Variants in PLEKHA7 observed in about 807,000 individuals in gnomAD.
The protein encoded by PLEKHA7 is pleckstrin homology domain-containing family A member 7.
PLEKHA7 carries 104 observed loss-of-function variants against 170.0 expected under a neutral mutation model. The observed-to-expected ratio is 0.61, with a 90% CI of 0.52 to 0.72. PLEKHA7 has a LOEUF of 0.72. PLEKHA7 is among the 30% of genes least tolerant of loss of function. PLEKHA7 has a pLI of 0.00. For synonymous variants in PLEKHA7, 648 were observed against 660.8 expected (o/e 0.98, Z 0.30); for missense variants, 1,615 against 1,671.7 (o/e 0.97, Z 0.59).
chr11:16,854,489 G>A (rs1853261318), intron 6 of PLEKHA7, among the ~76,000 whole-genome samples: 1 of 152,188 alleles, frequency 6.6e-6, no homozygotes, highest in Admixed American at 6.5e-5. Flanking sequence ...AGGTGGATAT[G>A]CATGCTAGAC....
At chr11:17,009,195 T>C (rs1865181690) in intron 3 of PLEKHA7, among the ~76,000 whole-genome samples, 1 of 152,130 alleles carries the variant, frequency 6.6e-6, no homozygotes, top group South Asian at 2.1e-4. Flanking sequence ...AGACCTATGT[T>C]CCAGTCCCAG....
intron 26 of PLEKHA7, among the ~76,000 whole-genome samples, chr11:16,781,575 C>T (rs1208496785): frequency 6.6e-6 from 1 of 152,208 alleles, no homozygotes; most frequent in South Asian, 2.1e-4. Context: ...GAACACCACA[C>T]CGGCCACCTC....
At position 16,890,048 on chromosome 11, in the gene PLEKHA7, AACTAAGCTT is replaced by A. The variant is rs573043654; in HGVS notation, c.222-18875_222-18867del. ...CAGCCAAGAATTTTGTATCCTGCTA[AACTAAGCTT>A]CATAAATGAAGGAGAAATAAAATGT... On this transcript the variant is annotated intron_variant, in intron 3 of 26. Coordinates refer to ENST00000531066, the MANE Select transcript of PLEKHA7 (RefSeq NM_001329630.2). Among the ~76,000 whole-genome samples the A allele has an allele frequency of 5.3e-5, 8 of 152,330 alleles. No individual in the cohort carries two copies. The East Asian group carries it at 1.5e-3, about 29-fold the overall frequency.
intron 3 of PLEKHA7, among the ~76,000 whole-genome samples, chr11:16,990,343 C>T (rs1177233784): frequency 7.3e-6 from 1 of 137,730 alleles, no homozygotes; most frequent in Non-Finnish European, 1.5e-5. Context: ...AAAAGGAAGA[C>T]ACACCTGTTC....
chr11:16,780,919 G>T, intron 26 of PLEKHA7: 1 of 907,344 alleles, frequency 1.1e-6, no homozygotes, highest in Non-Finnish European at 1.3e-6. Flanking sequence ...GCAGGCAGAA[G>T]CACACCAGAC....
At chr11:16,989,707 G>A (rs1331938630) in intron 3 of PLEKHA7, among the ~76,000 whole-genome samples, 1 of 152,228 alleles carries the variant, frequency 6.6e-6, no homozygotes, top group Non-Finnish European at 1.5e-5. Context: ...CTGGCACAGA[G>A]TAGGAGCTAA....
chr11:16,996,772 T>C (rs1197999911), intron 3 of PLEKHA7, among the ~76,000 whole-genome samples: 3 of 151,988 alleles, frequency 2.0e-5, no homozygotes, highest in African/African-American at 7.3e-5. Context: ...CCGTCTCTAC[T>C]AAAAATACAA....
chr11:17,010,389 T>TA (rs756960574), intron 3 of PLEKHA7, among the ~76,000 whole-genome samples: 9,403 of 88,472 alleles, frequency 0.11, 445 homozygotes, highest in Non-Finnish European at 0.14. Context: ...AAGCTGTCTT[T>TA]AAAAAAAAAA....
rs74915382 is a variant in PLEKHA7 at position 16,857,094 on chromosome 11, T to A, written c.306-1180A>T. Among the ~76,000 whole-genome samples the A allele has an allele frequency of 3.4e-3, 519 of 152,328 alleles. 4 individuals are homozygous for A. Among genetic ancestry groups the A allele is most frequent in the Non-Finnish European group, 6.0e-3 (406 of 68,034 alleles). ...TGAGGGAACATCCTAGTTTCCACCATGGAAATATACTGTTTTCTTCGAAGA... is the reference window on the plus strand; with the variant it reads ...TGAGGGAACATCCTAGTTTCCACCAAGGAAATATACTGTTTTCTTCGAAGA... On this transcript the variant is annotated intron_variant, in intron 4 of 26. Coordinates refer to ENST00000531066, the MANE Select transcript of PLEKHA7 (RefSeq NM_001329630.2).
chr11:16,992,440 G>C (rs907948936), intron 3 of PLEKHA7, among the ~76,000 whole-genome samples: 2 of 152,156 alleles, frequency 1.3e-5, no homozygotes, highest in Non-Finnish European at 2.9e-5. Flanking sequence ...GCCACCTGCA[G>C]GATTCTTATG....
rs750694637 is a variant in PLEKHA7, at chr11:16,826,084, C to G, written c.1343+36G>C. 5 of 1,584,704 alleles carry G rather than the reference C, an allele frequency of 3.2e-6. No homozygotes were observed. The South Asian group carries it at 5.7e-5, about 18-fold the overall frequency. On this transcript the variant is annotated intron_variant, in intron 10 of 26. Transcript: ENST00000531066. Reference sequence around the variant, plus strand: ...CAGCTCTTGCCACTACATTATCGTGCTCGTTATAAGCAGCGATCCTGAGTC... The same window carrying G: ...CAGCTCTTGCCACTACATTATCGTGGTCGTTATAAGCAGCGATCCTGAGTC...
At chr11:16,942,344 T>C (rs1860752196) in intron 3 of PLEKHA7, among the ~76,000 whole-genome samples, 1 of 152,222 alleles carries the variant, frequency 6.6e-6, no homozygotes, top group African/African-American at 2.4e-5. Context: ...CAACCACTTC[T>C]GCATCCCTGA....
At chr11:16,931,716 C>T (rs971109419) in intron 3 of PLEKHA7, among the ~76,000 whole-genome samples, 1 of 149,908 alleles carries the variant, frequency 6.7e-6, no homozygotes, top group Admixed American at 6.7e-5. Flanking sequence ...GATTGTACAA[C>T]TGCACTCCAG....
chr11:16,930,884 T>C (rs1480289244), intron 3 of PLEKHA7, among the ~76,000 whole-genome samples: 1 of 152,112 alleles, frequency 6.6e-6, no homozygotes, highest in Non-Finnish European at 1.5e-5. Flanking sequence ...AGCTGGCCAG[T>C]GCCTTAGAAC....
intron 8 of PLEKHA7, 118 bp downstream of exon 8, chr11:16,851,073 G>T (rs1468680909): frequency 1.5e-6 from 1 of 648,856 alleles, no homozygotes. Flanking sequence ...TTGTTAACCG[G>T]AATCTGAAAC....
chr11:16,829,504 T>TA (rs1850934474), intron 9 of PLEKHA7, among the ~76,000 whole-genome samples: 1 of 152,128 alleles, frequency 6.6e-6, no homozygotes, highest in Non-Finnish European at 1.5e-5. Context: ...AGCCCATACT[T>TA]ACAGAAAAAG....
intron 13 of PLEKHA7, among the ~76,000 whole-genome samples, chr11:16,805,254 T>C (rs1309268140): frequency 6.6e-6 from 1 of 152,170 alleles, no homozygotes. Context: ...GAAAATCTAA[T>C]TGAGCAATGC....
Position 16,855,846 on chromosome 11 carries a change from G to A in PLEKHA7, c.374C>T (p.Thr125Met), listed in dbSNP as rs745343099. 66 of 1,614,022 alleles carry A rather than the reference G, an allele frequency of 4.1e-5. No homozygotes were observed. The highest frequency in any genetic ancestry group is 1.6e-4 in the Middle Eastern group (1 of 6,084). Residue 125 changes from threonine to methionine, a missense_variant, in exon 5 of 27, where the codon ACG becomes ATG. By Grantham distance (81) the Thr-to-Met change is moderately conservative. Coordinates refer to ENST00000531066, the MANE Select transcript of PLEKHA7 (RefSeq NM_001329630.2). ...RPSSMVSETS[T>M]AGTASTLEAK... Reference sequence around the variant, plus strand: ...CTCCAGGGTGGAGGCGGTCCCAGCCGTGGATGTTTCACTGACCATGCTGGA... The same window carrying A: ...CTCCAGGGTGGAGGCGGTCCCAGCCATGGATGTTTCACTGACCATGCTGGA...
intron 3 of PLEKHA7, among the ~76,000 whole-genome samples, chr11:16,975,187 G>A (rs1482267707): frequency 2.6e-5 from 4 of 152,090 alleles, no homozygotes; most frequent in African/African-American, 4.8e-5. Context: ...TAAGTCTTCC[G>A]CTGATCTGTT....
Sources: allele counts gnomAD v4.1 joint callset (sites outside exome capture counted in the v4.1 genomes callset), GRCh38; gene constraint gnomAD v4.1.1; transcripts MANE v1.5; gene names NCBI Gene and HGNC (gene_info 2026-07-23, HGNC 2026-07-21).